The following MSH3 variants were observed in gnomAD, a reference collection of about 807,000 sequenced individuals.
MSH3 encodes the protein DNA mismatch repair protein Msh3.
A neutral mutation model predicts 123.3 loss-of-function variants in MSH3; 106 were observed. The observed-to-expected ratio is 0.86, with a 90% CI of 0.73 to 1.01. The LOEUF (loss-of-function observed/expected upper bound fraction) is 1.01. MSH3 is among the 50% of genes least tolerant of loss of function. The probability of loss-of-function intolerance (pLI) is 0.00; values close to 1 mark genes in which losing one functional copy is unlikely to be tolerated. For synonymous variants in MSH3, 515 were observed against 481.4 expected, an observed-to-expected ratio of 1.07 and a Z score of -0.91; for missense variants, 1,459 against 1,347.6, an observed-to-expected ratio of 1.08 and a Z score of -1.29.
chr5:80,716,453 A>T (rs1750962923), intron 8 of MSH3, among the ~76,000 whole-genome samples: 1 of 151,564 alleles, frequency 6.6e-6, no homozygotes, highest in Admixed American at 6.6e-5. Context: ...TTTTGCAGAG[A>T]TTGGGTTTTG....
chr5:80,752,538 C>T (rs1233497528), intron 12 of MSH3, among the ~76,000 whole-genome samples: 1 of 152,090 alleles, frequency 6.6e-6, no homozygotes, highest in Non-Finnish European at 1.5e-5. Flanking sequence ...AGCTTGAGTT[C>T]TGATTCCCTT....
intron 18 of MSH3, 90 bp from the exon 19 acceptor site, chr5:80,792,643 A>G: frequency 3.3e-6 from 1 of 303,074 alleles, no homozygotes; most frequent in Non-Finnish European, 6.1e-6. Context: ...TCGTACAAAC[A>G]GAGTACTGAA....
chr5:80,670,023 T>C, intron 3 of MSH3, 74 bp from the exon 4 acceptor site: 6 of 1,412,520 alleles, frequency 4.2e-6, no homozygotes, highest in Non-Finnish European at 5.9e-6. Flanking sequence ...TTTGCCAGAT[T>C]TGCATTTTCC....
intron 20 of MSH3, among the ~76,000 whole-genome samples, chr5:80,851,091 T>C (rs1342360878): frequency 1.3e-5 from 2 of 152,180 alleles, no homozygotes; most frequent in African/African-American, 4.8e-5. Context: ...TTTTTCATCA[T>C]AGTACTGTTT....
At chr5:80,778,260 T>A (rs1217591765) in intron 16 of MSH3, among the ~76,000 whole-genome samples, 1 of 152,202 alleles carries the variant, frequency 6.6e-6, no homozygotes, top group African/African-American at 2.4e-5. Flanking sequence ...AATGCATTGC[T>A]TTCTTTGTAA....
intron 20 of MSH3, among the ~76,000 whole-genome samples, chr5:80,851,884 A>C (rs1745836123): frequency 6.6e-6 from 1 of 152,162 alleles, no homozygotes; most frequent in African/African-American, 2.4e-5. Context: ...TCATATACAA[A>C]ATGTTTTTTA....
At chr5:80,827,996 C>G (rs1210089487) in intron 20 of MSH3, among the ~76,000 whole-genome samples, 2 of 152,080 alleles carry the variant, frequency 1.3e-5, no homozygotes, top group Non-Finnish European at 2.9e-5. Flanking sequence ...TGCACAGCCT[C>G]CCCCATTTTC....
intron 11 of MSH3, 21 bp from the exon 12 acceptor site, chr5:80,744,485 T>A (rs1391391079): frequency 6.4e-7 from 1 of 1,560,898 alleles, no homozygotes; most frequent in East Asian, 2.2e-5. Context: ...TTAATAAAAC[T>A]TGTTTTCTGG....
chr5:80,762,138 G>A (rs1380148412), intron 13 of MSH3, among the ~76,000 whole-genome samples: 1 of 151,888 alleles, frequency 6.6e-6, no homozygotes, highest in Non-Finnish European at 1.5e-5. Flanking sequence ...GTGAGTAAAG[G>A]ATTATTTTGA....
intron 20 of MSH3, among the ~76,000 whole-genome samples, chr5:80,817,723 T>G (rs560310253): frequency 6.6e-6 from 1 of 152,258 alleles, no homozygotes; most frequent in Non-Finnish European, 1.5e-5. Flanking sequence ...GGGAAGTTTC[T>G]CTTTATAGAA....
intron 20 of MSH3, among the ~76,000 whole-genome samples, chr5:80,850,646 G>T (rs1162585380): frequency 6.6e-6 from 1 of 152,108 alleles, no homozygotes; most frequent in Admixed American, 6.5e-5. Context: ...GGAAAGACCT[G>T]CCCCCATAAT....
chr5:80,840,829 G>C (rs1181402570), intron 20 of MSH3, among the ~76,000 whole-genome samples: 1 of 151,432 alleles, frequency 6.6e-6, no homozygotes, highest in African/African-American at 2.4e-5. Flanking sequence ...CCACCTATGA[G>C]TGAGAACATG....
At chr5:80,784,786 T>G (rs1350326604) in intron 17 of MSH3, among the ~76,000 whole-genome samples, 1 of 152,172 alleles carries the variant, frequency 6.6e-6, no homozygotes, top group Admixed American at 6.5e-5. Context: ...TCTAACACTG[T>G]TGGTGGGAAT....
rs775409796 is a variant in MSH3 at position 80,670,197 on chromosome 5, G to T, written c.680G>T (p.Ser227Ile). Reference protein sequence around the residue: ...ASKSANKRSKSIYTPLELQYI... With the variant: ...ASKSANKRSKIIYTPLELQYI... ...AAATCAGCTAACAAACGGTCCAAAA[G>T]CATCTATACGCCGCTAGAATTACAA... is the stretch of plus-strand genomic sequence containing the variant. Residue 227 changes from serine to isoleucine, a missense_variant, in exon 4 of 24, where the codon AGC becomes ATC. Physicochemically the swap from Ser to Ile is moderately radical, Grantham distance 142 (BLOSUM62 -2). Coordinates refer to ENST00000265081, the MANE Select transcript of MSH3 (RefSeq NM_002439.5). 1 of 1,614,070 alleles carries T rather than the reference G, an allele frequency of 6.2e-7. No homozygotes were observed.
At chr5:80,824,692 G>C (rs1451049987) in intron 20 of MSH3, among the ~76,000 whole-genome samples, 1 of 152,098 alleles carries the variant, frequency 6.6e-6, no homozygotes, top group African/African-American at 2.4e-5. Context: ...GTTTCTTTAG[G>C]TAACATTTCA....
At chr5:80,692,671 T>TACAC (rs1750329928) in intron 8 of MSH3, among the ~76,000 whole-genome samples, 1 of 90,758 alleles carries the variant, frequency 1.1e-5, no homozygotes, top group Non-Finnish European at 2.7e-5. Context: ...TACACATGTA[T>TACAC]ATGTTTATGT....
At chr5:80,679,201 A>G (rs187667791) in intron 8 of MSH3, 108 bp downstream of exon 8, 8 of 1,191,552 alleles carry the variant, frequency 6.7e-6, no homozygotes, top group Admixed American at 5.3e-5. Context: ...TACAAAAATT[A>G]TATTTCCACT....
intron 12 of MSH3, among the ~76,000 whole-genome samples, chr5:80,748,937 C>T (rs1411791122): frequency 2.6e-5 from 4 of 151,830 alleles, no homozygotes; most frequent in East Asian, 1.9e-4. Context: ...AGAGGTATTC[C>T]ACTTTCAGTA....
At position 80,734,161 on chromosome 5, in the gene MSH3, C is replaced by T. The variant is rs149557328; in HGVS notation, c.1568+5196C>T. 3.3e-3 allele frequency among the ~76,000 whole-genome samples: 497 copies of T among 152,186 alleles called. 5 individuals are homozygous for T. Among genetic ancestry groups the T allele is most frequent in the African/African-American group, 0.011 (477 of 41,524 alleles). ...CAGATACATGTTGCAACATGATGAA[C>T]CTTGAAAATATTATGGTAGTTGAAA... On this transcript the variant is annotated intron_variant, in intron 10 of 23. Coordinates refer to ENST00000265081, the MANE Select transcript of MSH3 (RefSeq NM_002439.5).
Sources: gnomAD v4.1 joint callset for allele counts (sites outside exome capture counted in the v4.1 genomes callset) on GRCh38, gnomAD v4.1.1 for gene constraint, MANE v1.5 for transcripts, NCBI Gene and HGNC (gene_info 2026-07-23, HGNC 2026-07-21) for gene names.